Variants in CALN1 observed in about 807,000 individuals in gnomAD.
The protein encoded by CALN1 is calneuron 1, also known as calcium-binding protein 8.
Under a neutral mutation model 30.6 loss-of-function variants are expected in CALN1, and 17 were observed. The ratio of observed to expected loss-of-function variants is 0.56; its 90% CI spans 0.38 to 0.83. The LOEUF (loss-of-function observed/expected upper bound fraction) is 0.83. Among genes scored for constraint, CALN1 ranks in the 40% least tolerant of loss-of-function variants. CALN1 has a pLI of 0.00. For synonymous variants in CALN1, 156 were observed against 131.4 expected (o/e 1.19, Z -1.28); for missense variants, 291 against 354.9 (o/e 0.82, Z 1.45).
intron 2 of CALN1, among the ~76,000 whole-genome samples, chr7:72,367,158 AGTT>A (rs747891720): frequency 2.2e-4 from 33 of 152,150 alleles, no homozygotes; most frequent in Non-Finnish European, 4.9e-4. Flanking sequence ...TCAGAATACT[AGTT>A]AACTTGGGTT....
In CALN1 at chr7:72,106,193, C is replaced by T. The variant is rs1210215066; in HGVS notation, c.346G>A (p.Glu116Lys). The T allele has an allele frequency of 6.2e-7, 1 of 1,614,046 alleles. No homozygotes were observed. Among genetic ancestry groups the T allele is most frequent in the Non-Finnish European group, 8.5e-7 (1 of 1,180,018 alleles). The part of the protein sequence containing the change: ...AMRSLGYMPS[E>K]VELAIIMQRL... ...TGCATGATGATGGCCAGCTCCACCTCGCTTGGCATGTACCCCAAAGAGCGC... is the reference window on the plus strand; with the variant it reads ...TGCATGATGATGGCCAGCTCCACCTTGCTTGGCATGTACCCCAAAGAGCGC... The change falls in exon 4 of 7, where the codon GAG becomes AAG. Residue 116 changes from glutamate to lysine, a missense_variant. Physicochemically the swap from Glu to Lys is moderately conservative, Grantham distance 56. Transcript: ENST00000395275.
chr7:71,790,529 C>T (rs1248747420), intron 6 of CALN1, among the ~76,000 whole-genome samples: 1 of 152,148 alleles, frequency 6.6e-6, no homozygotes, highest in Non-Finnish European at 1.5e-5. Context: ...TCCATCTCCT[C>T]CTCCTTTTCC....
the CALN1 span, among the ~76,000 whole-genome samples, chr7:72,487,901 A>AAGGAAGGAAG: frequency 1.2e-5 from 1 of 85,258 alleles, no homozygotes; most frequent in Non-Finnish European, 2.3e-5. Flanking sequence ...AAAGAAAGAA[A>AAGGAAGGAAG]GAAAGAAAGA....
intron 4 of CALN1, among the ~76,000 whole-genome samples, chr7:72,080,926 T>G (rs532585347): frequency 1.3e-5 from 2 of 152,104 alleles, no homozygotes; most frequent in South Asian, 4.1e-4. Flanking sequence ...TGTCCCTGTT[T>G]GTTGCTGGTC....
intron 5 of CALN1, among the ~76,000 whole-genome samples, chr7:71,885,105 C>T (rs544906975): frequency 9.2e-5 from 14 of 152,288 alleles, no homozygotes; most frequent in African/African-American, 2.9e-4. Context: ...GCTCCCTGCC[C>T]GCTCCGCTTT....
intron 3 of CALN1, among the ~76,000 whole-genome samples, chr7:72,231,576 G>C (rs762323917): frequency 1.2e-4 from 19 of 152,168 alleles, no homozygotes; most frequent in Non-Finnish European, 2.2e-4. Flanking sequence ...GTTGTGAATA[G>C]TGCTGCAATG....
intron 2 of CALN1, among the ~76,000 whole-genome samples, chr7:72,356,916 T>A (rs1803266950): frequency 6.6e-6 from 1 of 152,018 alleles, no homozygotes; most frequent in Non-Finnish European, 1.5e-5. Flanking sequence ...TGTCAACGTA[T>A]GTCTTGCTCT....
chr7:72,073,214 C>G (rs1331468874), intron 4 of CALN1, among the ~76,000 whole-genome samples: 1 of 152,042 alleles, frequency 6.6e-6, no homozygotes, highest in African/African-American at 2.4e-5. Context: ...TGCATAGAGA[C>G]AGAAAGTGTC....
intron 2 of CALN1, among the ~76,000 whole-genome samples, chr7:72,315,097 C>T (rs1800348956): frequency 1.3e-5 from 2 of 152,072 alleles, no homozygotes; most frequent in South Asian, 4.2e-4. Flanking sequence ...TGGCAGTGAG[C>T]TATGATCGCA....
At chr7:72,329,315 G>A (rs1171777617) in intron 2 of CALN1, among the ~76,000 whole-genome samples, 1 of 152,124 alleles carries the variant, frequency 6.6e-6, no homozygotes, top group Admixed American at 6.5e-5. Context: ...TCACTTTATT[G>A]TACCACAGTA....
intron 5 of CALN1, among the ~76,000 whole-genome samples, chr7:71,975,403 A>G (rs1798053989): frequency 6.6e-6 from 1 of 152,084 alleles, no homozygotes; most frequent in African/African-American, 2.4e-5. Context: ...TGCTTCATGG[A>G]ACATACCTGT....
rs530146935 is a variant in CALN1, at chr7:72,217,797, G to C, written c.244+60889C>G. ...GTTCGAGATCAGCTTGGGCAATATA[G>C]CGAGATCCCCCAACTCTACAAAAAA... is the stretch of plus-strand genomic sequence containing the variant. On this transcript the variant is annotated intron_variant, in intron 3 of 6. Coordinates refer to ENST00000395275, the MANE Select transcript of CALN1 (RefSeq NM_031468.4). 2.0e-5 allele frequency among the ~76,000 whole-genome samples: 3 copies of C among 148,882 alleles called. No individual in the cohort carries two copies. In the South Asian group the frequency reaches 6.4e-4, roughly 32 times the overall value.
chr7:71,855,605 G>A (rs1325794313), intron 5 of CALN1, among the ~76,000 whole-genome samples: 2 of 152,138 alleles, frequency 1.3e-5, no homozygotes, highest in African/African-American at 2.4e-5. Context: ...TGGAGGTTCC[G>A]TCTGACCCTA....
At chr7:72,487,714 A>AAAGAAAGT in the CALN1 span, among the ~76,000 whole-genome samples, 1 of 65,458 alleles carries the variant, frequency 1.5e-5, no homozygotes, top group East Asian at 4.3e-4. Context: ...AAAGAAAAGA[A>AAAGAAAGT]AAGAAAGAAA....
chr7:71,915,342 C>A (rs1794633841), intron 5 of CALN1, among the ~76,000 whole-genome samples: 2 of 152,104 alleles, frequency 1.3e-5, no homozygotes, highest in Admixed American at 1.3e-4. Context: ...TTTTGACAAC[C>A]CCTTTCTTCT....
At chr7:72,501,928 A>AAAAAAAATATAT in the CALN1 span, among the ~76,000 whole-genome samples, 7 of 57,968 alleles carry the variant, frequency 1.2e-4, no homozygotes, top group African/African-American at 6.0e-4. Context: ...AAAAAAAAAA[A>AAAAAAAATATAT]ATATATATAT....
intron 1 of CALN1, among the ~76,000 whole-genome samples, chr7:72,423,417 G>A (rs1249329842): frequency 6.6e-6 from 1 of 152,178 alleles, no homozygotes; most frequent in Non-Finnish European, 1.5e-5. Flanking sequence ...CAGGGCAGGA[G>A]GTTTTCCTCC....
At chr7:72,441,965 GA>G (rs1808360166) in intron 1 of CALN1, among the ~76,000 whole-genome samples, 2 of 151,882 alleles carry the variant, frequency 1.3e-5, no homozygotes, top group South Asian at 2.1e-4. Flanking sequence ...TTTAACATGA[GA>G]AACACCCGAC....
intron 5 of CALN1, among the ~76,000 whole-genome samples, chr7:71,897,996 A>G (rs1162217536): frequency 1.3e-5 from 1 of 76,044 alleles, no homozygotes; most frequent in South Asian, 5.5e-4. Flanking sequence ...AAAAAAAGAG[A>G]GAGAGAGGGA....
Sources: allele counts gnomAD v4.1 joint callset (sites outside exome capture counted in the v4.1 genomes callset), GRCh38; gene constraint gnomAD v4.1.1; transcripts MANE v1.5; gene names NCBI Gene and HGNC (gene_info 2026-07-23, HGNC 2026-07-21).